ABCC1: variants seen among roughly 807,000 people sequenced by gnomAD.
ABCC1 encodes the protein multidrug resistance-associated protein 1.
Under a neutral mutation model 172.9 loss-of-function variants are expected in ABCC1, and 83 were observed. The observed-to-expected ratio is 0.48, with a 90% CI of 0.40 to 0.58. ABCC1 has a LOEUF of 0.58. ABCC1 is among the 20% of genes least tolerant of loss of function. The pLI is 0.00. For missense variants in ABCC1, 1,817 were observed against 2,002.7 expected, an observed-to-expected ratio of 0.91 and a Z score of 1.77; for synonymous variants, 937 against 825.2, an observed-to-expected ratio of 1.14 and a Z score of -2.32.
intron 3 of ABCC1, among the ~76,000 whole-genome samples, chr16:16,014,000 C>T (rs1026498055): frequency 2.0e-5 from 3 of 152,054 alleles, no homozygotes; most frequent in Non-Finnish European, 4.4e-5. Flanking sequence ...GGTTCTCTGC[C>T]TGTTCTTTTA....
chr16:16,061,321 T>C (rs943051143), intron 12 of ABCC1, among the ~76,000 whole-genome samples: 2 of 152,244 alleles, frequency 1.3e-5, no homozygotes, highest in African/African-American at 2.4e-5. Flanking sequence ...ACTTCGCACG[T>C]GGCCACCTCA....
intron 5 of ABCC1, among the ~76,000 whole-genome samples, chr16:16,030,857 T>A (rs997691): frequency 1.3e-5 from 2 of 151,692 alleles, no homozygotes; most frequent in African/African-American, 2.4e-5. Context: ...AGTATTTTTT[T>A]AAATTTTATT....
At chr16:16,073,049 A>ATAAT (rs201209207) in intron 14 of ABCC1, among the ~76,000 whole-genome samples, 1 of 105,446 alleles carries the variant, frequency 9.5e-6, no homozygotes, top group Non-Finnish European at 2.1e-5. Context: ...TCAAAAAAAA[A>ATAAT]AAAAAAAATA....
At chr16:15,993,862 C>G (rs2046961128) in intron 1 of ABCC1, among the ~76,000 whole-genome samples, 1 of 152,162 alleles carries the variant, frequency 6.6e-6, no homozygotes, top group African/African-American at 2.4e-5. Context: ...AGGCCATTCA[C>G]TTGATCTCCG....
At chr16:16,093,197 G>C (rs537925643) in intron 19 of ABCC1, among the ~76,000 whole-genome samples, 6 of 152,080 alleles carry the variant, frequency 3.9e-5, no homozygotes, top group Admixed American at 3.9e-4. Flanking sequence ...CAACTTCTCG[G>C]TGACTTTTTC....
At chr16:16,135,879 G>C (rs1420797286) in intron 28 of ABCC1, among the ~76,000 whole-genome samples, 4 of 152,120 alleles carry the variant, frequency 2.6e-5, no homozygotes, top group African/African-American at 9.7e-5. Flanking sequence ...GAGAATCCAC[G>C]GGACTTTACT....
At chr16:15,961,945 T>G (rs1316034008) in intron 1 of ABCC1, among the ~76,000 whole-genome samples, 1 of 152,310 alleles carries the variant, frequency 6.6e-6, no homozygotes, top group South Asian at 2.1e-4. Context: ...TGTAAATGAT[T>G]CAGCAGAATA....
At chr16:16,140,799 C>T (rs1412530267) in intron 30 of ABCC1, among the ~76,000 whole-genome samples, 3 of 152,200 alleles carry the variant, frequency 2.0e-5, no homozygotes, top group African/African-American at 4.8e-5. Context: ...AGCATATGGC[C>T]TGCAGAGCCT....
chr16:15,996,400 T>C (rs983673833), intron 1 of ABCC1, among the ~76,000 whole-genome samples: 8 of 152,172 alleles, frequency 5.3e-5, no homozygotes, highest in Admixed American at 2.6e-4. Context: ...CTGGGAAATA[T>C]AGGCATGAGC....
rs148853720 is a variant in ABCC1, at chr16:15,992,165, G to T, written c.49-15651G>T. On this transcript the variant is annotated intron_variant, in intron 1 of 30. Transcript: ENST00000399410. Reference sequence around the variant, plus strand: ...TTCTTTTGAGAATGCAATGCCTGATGATCTATCACTGTCTCCCATCACAGC... The same window carrying T: ...TTCTTTTGAGAATGCAATGCCTGATTATCTATCACTGTCTCCCATCACAGC... 6.6e-5 allele frequency among the ~76,000 whole-genome samples: 10 copies of T among 151,852 alleles called. No individual in the cohort carries two copies. In the East Asian group the frequency reaches 1.9e-3, roughly 29 times the overall value.
In ABCC1 at chr16:16,015,414, A is replaced by C. The variant is rs557907869; in HGVS notation, c.489+786A>C. 6.4e-4 allele frequency among the ~76,000 whole-genome samples: 97 copies of C among 152,330 alleles called. 1 individual carries two copies. Among genetic ancestry groups the C allele is most frequent in the Non-Finnish European group, 9.6e-4 (65 of 68,042 alleles). On this transcript the variant is annotated intron_variant, in intron 4 of 30. Transcript: ENST00000399410. Reference sequence around the variant, plus strand: ...CGGCCTCCCAAAGTGTTGGGATTACAGGCGTGAGCCACCACGCCTGACCTG... The same window carrying C: ...CGGCCTCCCAAAGTGTTGGGATTACCGGCGTGAGCCACCACGCCTGACCTG...
At chr16:16,077,849 C>G (rs781420315) in intron 15 of ABCC1, among the ~76,000 whole-genome samples, 9 of 152,158 alleles carry the variant, frequency 5.9e-5, no homozygotes, top group East Asian at 1.9e-4. Context: ...ATGGTGAAAC[C>G]CTGTCACTAC....
In ABCC1 at chr16:16,051,136, T is replaced by C. The variant is rs78022683; in HGVS notation, c.1381-1588T>C. 1.2e-4 allele frequency among the ~76,000 whole-genome samples: 18 copies of C among 152,038 alleles called. No homozygotes were observed. In the East Asian group the frequency reaches 3.1e-3, roughly 26 times the overall value. On this transcript the variant is annotated intron_variant, in intron 10 of 30. Coordinates refer to ENST00000399410, the MANE Select transcript of ABCC1 (RefSeq NM_004996.4). ...CTTGGGGCCAGACAGTTCTTTGTTG[T>C]GGGGGCTGTCTTTTTTTTTTGTTCT...
At chr16:16,101,879 C>T (rs2051769596) in intron 19 of ABCC1, among the ~76,000 whole-genome samples, 1 of 152,192 alleles carries the variant, frequency 6.6e-6, no homozygotes, top group Non-Finnish European at 1.5e-5. Context: ...AGATATCCAG[C>T]TGCTGTGTCC....
chr16:16,121,639 TC>T (rs1259787168), intron 23 of ABCC1, among the ~76,000 whole-genome samples: 4 of 152,168 alleles, frequency 2.6e-5, no homozygotes, highest in Admixed American at 2.6e-4. Flanking sequence ...TTAACTAGCT[TC>T]TTTGTGCCTT....
At chr16:16,037,798 T>C (rs1055570590) in intron 7 of ABCC1, among the ~76,000 whole-genome samples, 2 of 152,030 alleles carry the variant, frequency 1.3e-5, no homozygotes, top group African/African-American at 4.8e-5. Flanking sequence ...AGATGGTGGG[T>C]GGGAATCTGG....
intron 2 of ABCC1, 141 bp from the exon 3 acceptor site, chr16:16,009,635 A>G: frequency 2.4e-6 from 2 of 833,182 alleles, no homozygotes; most frequent in Non-Finnish European, 3.5e-6. Context: ...ATTCCAGTGG[A>G]TATGTGCCAT....
At chr16:16,020,723 C>T (rs1358418570) in intron 5 of ABCC1, among the ~76,000 whole-genome samples, 9 of 152,176 alleles carry the variant, frequency 5.9e-5, no homozygotes, top group Non-Finnish European at 1.3e-4. Flanking sequence ...GGCATTCTTT[C>T]TTCCTATGCA....
chr16:16,104,274 C>T (rs1482790383), intron 20 of ABCC1, among the ~76,000 whole-genome samples: 1 of 152,190 alleles, frequency 6.6e-6, no homozygotes, highest in Non-Finnish European at 1.5e-5. Context: ...TCTTATCTGG[C>T]CCTACCCACA....
Sources: allele counts gnomAD v4.1 joint callset (sites outside exome capture counted in the v4.1 genomes callset), GRCh38; gene constraint gnomAD v4.1.1; transcripts MANE v1.5; gene names NCBI Gene and HGNC (gene_info 2026-07-23, HGNC 2026-07-21).